Variants in KAZN observed in about 807,000 individuals in gnomAD.
KAZN encodes the protein kazrin.
In KAZN, 40 loss-of-function variants were observed where a neutral mutation model predicts 87.4. The ratio of observed to expected loss-of-function variants is 0.46; its 90% confidence interval spans 0.36 to 0.60. The LOEUF (loss-of-function observed/expected upper bound fraction) is 0.60. Ranked by LOEUF, KAZN falls within the 20% of genes least tolerant of loss-of-function variation. The probability of loss-of-function intolerance (pLI) is 0.00; values close to 1 mark genes in which losing one functional copy is unlikely to be tolerated. For synonymous variants in KAZN, 466 were observed against 458.3 expected, an observed-to-expected ratio of 1.02 and a Z score of -0.22; for missense variants, 898 against 1,073.9, an observed-to-expected ratio of 0.84 and a Z score of 2.29.
Position 15,117,495 on chromosome 1 carries a change from G to A in KAZN, c.*2860G>A, listed in dbSNP as rs1289452045. The A allele has an allele frequency of 2.0e-5, 3 of 152,468 alleles. No individual in the cohort carries two copies. The highest frequency in any genetic ancestry group is 6.5e-5 in the Admixed American group (1 of 15,276). 9.4% of individuals were successfully genotyped at this position (152,468 alleles called of 1,614,324 possible). ...TTTTCAGACCCCAGGCTGCAGAGGA[G>A]GGGAGAAGCCACACAACAATCTGGA... On this transcript the variant is annotated 3_prime_UTR_variant, in exon 15 of 15. Coordinates refer to ENST00000376030, the MANE Select transcript of KAZN (RefSeq NM_201628.3).
chr1:14,985,185 G>A (rs887154316), intron 2 of KAZN, among the ~76,000 whole-genome samples: 15 of 150,222 alleles, frequency 1.0e-4, no homozygotes, highest in African/African-American at 3.7e-4. Context: ...AGAGATGAAT[G>A]CTGATTAATA....
intron 2 of KAZN, among the ~76,000 whole-genome samples, chr1:14,335,111 C>A (rs983040521): frequency 2.0e-4 from 30 of 150,706 alleles, no homozygotes; most frequent in African/African-American, 7.0e-4. Flanking sequence ...TCGGTGCCCC[C>A]CCCCCACCAC....
chr1:14,212,466 C>T (rs1286592691), intron 2 of KAZN, among the ~76,000 whole-genome samples: 5 of 149,622 alleles, frequency 3.3e-5, no homozygotes, highest in African/African-American at 1.2e-4. Context: ...GTCAATATAC[C>T]ACAGATTATA....
At chr1:14,461,560 C>G (rs2480049) in intron 2 of KAZN, among the ~76,000 whole-genome samples, 71,927 of 151,950 alleles carry the variant, frequency 0.47, 18,440 homozygotes, top group African/African-American at 0.67. Flanking sequence ...ATGTCTTTAT[C>G]AGCAGTGTGA....
At chr1:14,049,602 T>C (rs1486502319) in intron 1 of KAZN, among the ~76,000 whole-genome samples, 3 of 152,218 alleles carry the variant, frequency 2.0e-5, no homozygotes, top group Non-Finnish European at 4.4e-5. Context: ...TCAACTTCAG[T>C]ACCCACACTC....
At chr1:14,840,873 C>T (rs1647884395) in intron 1 of KAZN, among the ~76,000 whole-genome samples, 1 of 152,118 alleles carries the variant, frequency 6.6e-6, no homozygotes, top group South Asian at 2.1e-4. Context: ...GTGAATATAG[C>T]AATGCCAGGA....
chr1:14,176,500 CT>C (rs1646078573), intron 1 of KAZN, among the ~76,000 whole-genome samples: 1 of 152,184 alleles, frequency 6.6e-6, no homozygotes, highest in African/African-American at 2.4e-5. Flanking sequence ...ATCCCCAAAT[CT>C]GTCTGGGTGT....
At chr1:14,010,523 A>C (rs551400066) in intron 1 of KAZN, among the ~76,000 whole-genome samples, 1 of 152,318 alleles carries the variant, frequency 6.6e-6, no homozygotes, top group African/African-American at 2.4e-5. Context: ...CTCACCATCC[A>C]AGTCTTGCAA....
chr1:15,112,513 G>C lies in KAZN; in HGVS notation c.2135G>C (p.Ser712Thr), dbSNP rs115755879. 6 of 1,608,088 alleles carry C rather than the reference G, an allele frequency of 3.7e-6. No individual in the cohort carries two copies. The highest frequency in any genetic ancestry group is 1.3e-5 in the African/African-American group (1 of 74,982). ...ACGCGGGCAGGAAAGGAGGAGAACA[G>C]CAGCGGTCTCAAGTACAAGGCTGGC... ...SVTRAGKEENSSGLKYKAGRL... is the reference protein window; with the variant it reads ...SVTRAGKEENTSGLKYKAGRL... The change falls in exon 14 of 15, where the codon AGC becomes ACC. Residue 712 changes from serine (S) to threonine (T), a missense_variant. Around this residue, in one of 3 missense-constraint regions of KAZN, gnomAD observed 127 missense variants for 121.5 expected, o/e 1.04. Transcript: ENST00000376030.
intron 2 of KAZN, among the ~76,000 whole-genome samples, chr1:14,418,820 G>C (rs971860918): frequency 1.3e-5 from 2 of 152,182 alleles, no homozygotes; most frequent in African/African-American, 4.8e-5. Context: ...ATCCCTCAGA[G>C]TCTTGTGAGT....
At chr1:14,295,524 C>G (rs1006714542) in intron 2 of KAZN, among the ~76,000 whole-genome samples, 1 of 152,240 alleles carries the variant, frequency 6.6e-6, no homozygotes, top group Middle Eastern at 3.4e-3. Flanking sequence ...CAAAGAGTCA[C>G]ACAGAGGCAT....
At chr1:14,093,187 G>A (rs1255551488) in intron 1 of KAZN, among the ~76,000 whole-genome samples, 1 of 152,270 alleles carries the variant, frequency 6.6e-6, no homozygotes, top group Middle Eastern at 3.4e-3. Context: ...TGCCCGTCAA[G>A]AAATTAGTAC....
rs569261896 is a variant in KAZN at position 14,027,893 on chromosome 1, G to A, written c.91+134137G>A. On this transcript the variant is annotated intron_variant, in intron 1 of 16. Transcript: ENST00000636203. ...TTTCAGGAATTGCAGTTTCCAAGAG[G>A]GTTAGTCATAGAGAAGAGTCATTGG... Among the ~76,000 whole-genome samples, 43 of 152,254 alleles carry A rather than the reference G, an allele frequency of 2.8e-4. 1 individual carries two copies. The South Asian group carries it at 6.2e-3, about 22-fold the overall frequency.
chr1:14,894,254 A>G (rs1655026309), intron 1 of KAZN, among the ~76,000 whole-genome samples: 1 of 152,166 alleles, frequency 6.6e-6, no homozygotes, highest in Admixed American at 6.5e-5. Flanking sequence ...GACCCGACAG[A>G]TGGCTCCTCC....
rs370215259 is a variant in KAZN at position 14,850,045 on chromosome 1, C to T, written c.227-110639C>T. On this transcript the variant is annotated intron_variant, in intron 1 of 14. Transcript: ENST00000376030. Reference sequence around the variant, plus strand: ...CCGCCTCCCAAGTTCAAGCGATTCTCCTGCCTCAGCCTCCTGAGTAGCTGG... The same window carrying T: ...CCGCCTCCCAAGTTCAAGCGATTCTTCTGCCTCAGCCTCCTGAGTAGCTGG... Among the ~76,000 whole-genome samples, 10 of 151,676 alleles carry T rather than the reference C, an allele frequency of 6.6e-5. No individual in the cohort carries two copies. In the East Asian group the frequency reaches 1.2e-3, roughly 18 times the overall value.
At chr1:14,991,431 C>T (rs1667349465) in intron 2 of KAZN, among the ~76,000 whole-genome samples, 1 of 152,122 alleles carries the variant, frequency 6.6e-6, no homozygotes, top group Admixed American at 6.5e-5. Context: ...AGCTACAAGC[C>T]ACCCAGCATA....
chr1:14,868,933 G>A (rs1293583956), intron 1 of KAZN, among the ~76,000 whole-genome samples: 1 of 152,132 alleles, frequency 6.6e-6, no homozygotes, highest in African/African-American at 2.4e-5. Context: ...GCGGGGGGGT[G>A]CATCTGTTCT....
At chr1:14,123,289 T>G (rs1265415079) in intron 1 of KAZN, among the ~76,000 whole-genome samples, 1 of 152,216 alleles carries the variant, frequency 6.6e-6, no homozygotes, top group African/African-American at 2.4e-5. Context: ...TCATGCTGTG[T>G]TGAGGTCACA....
At chr1:13,938,433 T>C (rs1258679853) in intron 1 of KAZN, among the ~76,000 whole-genome samples, 1 of 152,204 alleles carries the variant, frequency 6.6e-6, no homozygotes, top group Non-Finnish European at 1.5e-5. Flanking sequence ...GAGGAGCCTT[T>C]AGGGTTTTCT....
Sources: allele counts gnomAD v4.1 joint callset (sites outside exome capture counted in the v4.1 genomes callset), GRCh38; gene constraint gnomAD v4.1.1; regional missense constraint gnomAD v4.1.1; transcripts MANE v1.5; gene names NCBI Gene and HGNC (gene_info 2026-07-23, HGNC 2026-07-21).